The following ASCC3 variants were observed in gnomAD, a reference collection of about 807,000 sequenced individuals.
ASCC3 encodes the protein activating signal cointegrator 1 complex subunit 3, also known as ASC-1 complex subunit P200.
A neutral mutation model predicts 256.3 loss-of-function variants in ASCC3; 158 were observed. The observed-to-expected ratio is 0.62, with a 90% CI of 0.54 to 0.70. The LOEUF is 0.70. ASCC3 is among the 30% of genes least tolerant of loss of function. The probability of loss-of-function intolerance (pLI) is 0.00; values close to 1 mark genes in which losing one functional copy is unlikely to be tolerated. For synonymous variants in ASCC3, 948 were observed against 883.4 expected (o/e 1.07, Z -1.30); for missense variants, 2,259 against 2,626.0 (o/e 0.86, Z 3.05).
chr6:100,838,892 T>G (rs963250067), intron 4 of ASCC3, among the ~76,000 whole-genome samples: 2 of 152,078 alleles, frequency 1.3e-5, no homozygotes, highest in African/African-American at 4.8e-5. Context: ...AACTTAAAAT[T>G]TATGTATTAA....
chr6:100,848,300 T>C lies in ASCC3; in HGVS notation c.649A>G (p.Lys217Glu), dbSNP rs1343578802. The C allele has an allele frequency of 6.2e-7, 1 of 1,614,130 alleles. No individual in the cohort carries two copies. Among genetic ancestry groups the C allele is most frequent in the Admixed American group, 1.7e-5 (1 of 60,008 alleles). ...ACTPELKPVEKTNGSFLWCEV... is the reference protein window; with the variant it reads ...ACTPELKPVEETNGSFLWCEV... Reference sequence around the variant, plus strand: ...CACCACAAAAAGGAGCCATTTGTTTTTTCCACAGGCTTGAGTTCTGGGGTG... The same window carrying C: ...CACCACAAAAAGGAGCCATTTGTTTCTTCCACAGGCTTGAGTTCTGGGGTG... Residue 217 changes from lysine to glutamate, a missense_variant, in exon 4 of 42, where the codon AAA (lysine) becomes GAA (glutamate). By Grantham distance (56) the Lys-to-Glu change is moderately conservative. Transcript: ENST00000369162.
intron 36 of ASCC3, among the ~76,000 whole-genome samples, chr6:100,547,514 A>G (rs1425145468): frequency 6.6e-6 from 1 of 152,094 alleles, no homozygotes; most frequent in Non-Finnish European, 1.5e-5. Flanking sequence ...ACAATGAGAA[A>G]ACAAACAGCC....
At position 100,766,648 on chromosome 6, in the gene ASCC3, T is replaced by C; in HGVS notation, c.1654A>G (p.Arg552Gly). ...LAAEMTDYFS[R>G]RLEPLGIIVK... Reference sequence around the variant, plus strand: ...ATGATGCCTAGTGGCTCTAGACGTCTGCTGAAGTAATCTGTCATTTCAGCT... The same window carrying C: ...ATGATGCCTAGTGGCTCTAGACGTCCGCTGAAGTAATCTGTCATTTCAGCT... Residue 552 changes from arginine to glycine, a missense_variant, in exon 10 of 42, where the codon AGA (arginine) becomes GGA (glycine). Arg to Gly is a moderately radical substitution (Grantham distance 125). Around this residue, in one of 2 missense-constraint regions of ASCC3, gnomAD observed 1,839 missense variants for 2,206.7 expected, o/e 0.83. Coordinates refer to ENST00000369162, the MANE Select transcript of ASCC3 (RefSeq NM_006828.4). 1 of 1,614,070 alleles carries C rather than the reference T, an allele frequency of 6.2e-7. No individual in the cohort carries two copies. The highest frequency in any genetic ancestry group is 1.1e-5 in the South Asian group (1 of 91,082).
At chr6:100,720,504 T>C (rs1050584583) in intron 11 of ASCC3, among the ~76,000 whole-genome samples, 1 of 151,844 alleles carries the variant, frequency 6.6e-6, no homozygotes, top group Admixed American at 6.6e-5. Flanking sequence ...CAACAACACA[T>C]TCTGCCTCAA....
chr6:100,540,561 GA>G (rs1489140645), intron 36 of ASCC3, among the ~76,000 whole-genome samples, 174 bp from the exon 37 acceptor site: 20 of 152,068 alleles, frequency 1.3e-4, no homozygotes, highest in Non-Finnish European at 2.4e-4. Flanking sequence ...TAATGATAGT[GA>G]ATAACGTACA....
intron 10 of ASCC3, 134 bp downstream of exon 10, chr6:100,766,431 G>A (rs1582830905): frequency 1.1e-6 from 1 of 940,040 alleles, no homozygotes. Flanking sequence ...GACAAGATGT[G>A]GTTACAAATA....
chr6:100,726,739 A>G (rs574273832), intron 10 of ASCC3, among the ~76,000 whole-genome samples: 3 of 152,194 alleles, frequency 2.0e-5, no homozygotes, highest in African/African-American at 7.2e-5. Flanking sequence ...TAAAATGGCT[A>G]GAAAATAAAG....
chr6:100,853,225 AATC>A (rs1308795835), intron 3 of ASCC3, among the ~76,000 whole-genome samples: 1 of 152,150 alleles, frequency 6.6e-6, no homozygotes, highest in Non-Finnish European at 1.5e-5. Context: ...TACAATTGTC[AATC>A]ATCCTCAACA....
intron 3 of ASCC3, among the ~76,000 whole-genome samples, chr6:100,863,617 CT>C (rs1554249080): frequency 6.6e-6 from 1 of 151,496 alleles, no homozygotes; most frequent in Admixed American, 6.6e-5. Context: ...TACGGACTGT[CT>C]TTTTTTTTCT....
chr6:100,797,558 A>G (rs1190736446), intron 8 of ASCC3, among the ~76,000 whole-genome samples: 1 of 151,870 alleles, frequency 6.6e-6, no homozygotes, highest in African/African-American at 2.4e-5. Flanking sequence ...ATTGCTTATA[A>G]TGATTGATAA....
chr6:100,853,473 G>C (rs544735260), intron 3 of ASCC3, among the ~76,000 whole-genome samples: 1 of 141,078 alleles, frequency 7.1e-6, no homozygotes, highest in East Asian at 2.0e-4. Context: ...CCAGGTTGGA[G>C]TGCAGTTTTG....
At chr6:100,661,002 G>T (rs1776167849) in intron 16 of ASCC3, among the ~76,000 whole-genome samples, 1 of 151,510 alleles carries the variant, frequency 6.6e-6, no homozygotes, top group South Asian at 2.1e-4. Context: ...ATTTGTATAA[G>T]CTCTTTAAGA....
intron 25 of ASCC3, among the ~76,000 whole-genome samples, chr6:100,634,650 A>G (rs183512916): frequency 4.6e-5 from 7 of 152,288 alleles, no homozygotes; most frequent in Admixed American, 2.0e-4. Context: ...AAGGTGCTCA[A>G]TATAACATCA....
chr6:100,780,918 A>C lies in ASCC3; in HGVS notation c.1396-13573T>G, dbSNP rs75256278. Among the ~76,000 whole-genome samples, 49 of 152,358 alleles carry C rather than the reference A, an allele frequency of 3.2e-4. No individual in the cohort carries two copies. The East Asian group carries it at 9.2e-3, about 29-fold the overall frequency. ...ATTAAAGGTTGACAAATACTTTACA[A>C]ATACATCACCTGATCAAATGAAATC... On this transcript the variant is annotated intron_variant, in intron 8 of 41. Coordinates refer to ENST00000369162, the MANE Select transcript of ASCC3 (RefSeq NM_006828.4).
chr6:100,530,211 T>C, intron 37 of ASCC3: 1 of 728,330 alleles, frequency 1.4e-6, no homozygotes, highest in South Asian at 1.6e-5. Flanking sequence ...TTGTAGTCTT[T>C]AAGAATATTG....
intron 4 of ASCC3, among the ~76,000 whole-genome samples, chr6:100,810,093 A>G (rs760233958): frequency 1.3e-5 from 2 of 152,120 alleles, no homozygotes; most frequent in Non-Finnish European, 2.9e-5. Flanking sequence ...GATACCTTCT[A>G]TTGCTGGTCC....
At chr6:100,565,834 A>T (rs1770213373) in intron 36 of ASCC3, among the ~76,000 whole-genome samples, 1 of 152,168 alleles carries the variant, frequency 6.6e-6, no homozygotes, top group Admixed American at 6.6e-5. Flanking sequence ...GCAGACCTTA[A>T]ATATACACAT....
intron 36 of ASCC3, among the ~76,000 whole-genome samples, chr6:100,586,419 T>C (rs1019855869): frequency 6.6e-6 from 1 of 152,200 alleles, no homozygotes; most frequent in African/African-American, 2.4e-5. Flanking sequence ...GATGCGCCAT[T>C]TTTTAAGCTC....
intron 4 of ASCC3, among the ~76,000 whole-genome samples, chr6:100,830,726 C>A (rs151142669): frequency 1.5e-4 from 23 of 152,268 alleles, no homozygotes; most frequent in African/African-American, 4.8e-4. Flanking sequence ...ACTTGCTTCA[C>A]AGAAATTCAA....
Sources: allele counts gnomAD v4.1 joint callset (sites outside exome capture counted in the v4.1 genomes callset), GRCh38; gene constraint gnomAD v4.1.1; regional missense constraint gnomAD v4.1.1; transcripts MANE v1.5; gene names NCBI Gene and HGNC (gene_info 2026-07-23, HGNC 2026-07-21).